RAPGEF1: variants seen among roughly 807,000 people sequenced by gnomAD.
The protein encoded by RAPGEF1 is CRK SH3-binding GNRP.
A neutral mutation model predicts 143.3 loss-of-function variants in RAPGEF1; 33 were observed. The observed-to-expected ratio is 0.23, with a 90% CI of 0.17 to 0.31. The LOEUF (loss-of-function observed/expected upper bound fraction) is 0.31. Among genes scored for constraint, RAPGEF1 ranks in the 10% least tolerant of loss-of-function variants. The pLI, the probability that RAPGEF1 is intolerant of heterozygous loss-of-function variation, is 1.00. For missense variants in RAPGEF1, 1,199 were observed against 1,645.4 expected, an observed-to-expected ratio of 0.73 and a Z score of 4.69; for synonymous variants, 629 against 676.5, an observed-to-expected ratio of 0.93 and a Z score of 1.09.
rs1057118356 is a variant in RAPGEF1 at position 131,580,382 on chromosome 9, G to T, written c.3522C>A (p.Ile1174=). ...EPPCIPYLGL[I]LQDLTFVHLG... is the part of the protein sequence containing the mutation. ...GGTGAACGAAGGTCAGGTCCTGCAGGATCAGCCCCCTGGGAGGACGGGTTA... is the reference window on the plus strand; with the variant it reads ...GGTGAACGAAGGTCAGGTCCTGCAGTATCAGCCCCCTGGGAGGACGGGTTA... The change falls in exon 26 of 27, where the codon ATC becomes ATA. Residue 1174 remains isoleucine, a synonymous_variant. Coordinates refer to ENST00000683357, the MANE Select transcript of RAPGEF1 (RefSeq NM_001377935.1). 8 of 1,613,396 alleles carry T rather than the reference G, an allele frequency of 5.0e-6. No individual in the cohort carries two copies. Among genetic ancestry groups the T allele is most frequent in the Non-Finnish European group, 6.8e-6 (8 of 1,179,678 alleles).
rs528797143 is a variant in RAPGEF1, at chr9:131,673,697, G to A, written c.62-22748C>T. Among the ~76,000 whole-genome samples, 21 of 152,158 alleles carry A rather than the reference G, an allele frequency of 1.4e-4. No homozygotes were observed. The South Asian group carries it at 3.3e-3, about 24-fold the overall frequency. On this transcript the variant is annotated intron_variant, in intron 1 of 26. Transcript: ENST00000683357. ...TGGAGGGCTACAAAAGCACCCCCCC[G>A]GCCGCCCCACCCAACAGAGAGGAAA...
At chr9:131,615,765 C>T (rs1444109181) in intron 12 of RAPGEF1, among the ~76,000 whole-genome samples, 3 of 152,168 alleles carry the variant, frequency 2.0e-5, no homozygotes, top group African/African-American at 7.2e-5. Flanking sequence ...CTTGCTTTCC[C>T]TGTCCTTTAG....
chr9:131,632,687 C>T (rs932994917), intron 5 of RAPGEF1, among the ~76,000 whole-genome samples: 5 of 152,098 alleles, frequency 3.3e-5, no homozygotes, highest in Non-Finnish European at 7.4e-5. Context: ...TGCACTGTAT[C>T]GTGGAAAGAT....
intron 10 of RAPGEF1, among the ~76,000 whole-genome samples, chr9:131,625,627 G>A (rs1055756176): frequency 6.6e-6 from 1 of 152,196 alleles, no homozygotes; most frequent in South Asian, 2.1e-4. Context: ...CTGTCACTGT[G>A]ATCAGGCCAG....
chr9:131,617,354 G>C (rs1959162482), intron 12 of RAPGEF1, among the ~76,000 whole-genome samples: 1 of 152,238 alleles, frequency 6.6e-6, no homozygotes, highest in Admixed American at 6.5e-5. Context: ...GCATGAGTAG[G>C]GATGCTGGGG....
chr9:131,580,744 G>T (rs1951744817), intron 25 of RAPGEF1, among the ~76,000 whole-genome samples: 1 of 152,148 alleles, frequency 6.6e-6, no homozygotes. Context: ...GGGGGCAGGG[G>T]CAGAGATCTC....
chr9:131,688,479 GTACAAGGGCC>G (rs1223368694), intron 1 of RAPGEF1, among the ~76,000 whole-genome samples: 1 of 152,094 alleles, frequency 6.6e-6, no homozygotes, highest in Admixed American at 6.5e-5. Context: ...TAAATAAAAC[GTACAAGGGCC>G]TACATTTCTG....
intron 20 of RAPGEF1, among the ~76,000 whole-genome samples, chr9:131,588,566 A>G (rs562130740): frequency 1.3e-5 from 2 of 152,292 alleles, no homozygotes; most frequent in African/African-American, 4.8e-5. Flanking sequence ...GCCCTGTCCT[A>G]TGAAGCCCCA....
At position 131,668,333 on chromosome 9, in the gene RAPGEF1, T is replaced by G. The variant is rs187549375; in HGVS notation, c.62-17384A>C. On this transcript the variant is annotated intron_variant, in intron 1 of 26. Coordinates refer to ENST00000683357, the MANE Select transcript of RAPGEF1 (RefSeq NM_001377935.1). ...TGTTTTTAAACTTCCTCTCAGAAATTTTTAAATTAGATATTAAAATTTAGA... is the reference window on the plus strand; with the variant it reads ...TGTTTTTAAACTTCCTCTCAGAAATGTTTAAATTAGATATTAAAATTTAGA... Among the ~76,000 whole-genome samples the G allele has an allele frequency of 1.5e-3, 221 of 152,320 alleles. 2 individuals are homozygous for G. Among genetic ancestry groups the G allele is most frequent in the Non-Finnish European group, 4.3e-4 (29 of 68,032 alleles).
chr9:131,660,810 A>G (rs1417928034), intron 1 of RAPGEF1, among the ~76,000 whole-genome samples: 1 of 152,256 alleles, frequency 6.6e-6, no homozygotes. Context: ...TCGCCTATGC[A>G]GGAAACCAGG....
At chr9:131,606,799 T>G (rs1957189526) in intron 12 of RAPGEF1, among the ~76,000 whole-genome samples, 1 of 152,106 alleles carries the variant, frequency 6.6e-6, no homozygotes, top group South Asian at 2.1e-4. Context: ...CACTTTTTGA[T>G]TTTTTTGTAG....
At chr9:131,684,292 G>A (rs1233460111) in intron 1 of RAPGEF1, among the ~76,000 whole-genome samples, 2 of 152,236 alleles carry the variant, frequency 1.3e-5, no homozygotes, top group Non-Finnish European at 2.9e-5. Flanking sequence ...TGGGCTACAT[G>A]CCAATCAGGA....
chr9:131,730,697 C>CAAAAAA lies in RAPGEF1; in HGVS notation c.61+9067_61+9072dup, dbSNP rs56044744. On this transcript the variant is annotated intron_variant, in intron 1 of 26. Transcript: ENST00000683357. ...GCAACAGCAGAGTGAGACTCCATCT[C>CAAAAAA]AAAAAAAAAAAAAAAAAAAAAGAAG... Among the ~76,000 whole-genome samples, 68 of 80,350 alleles carry CAAAAAA rather than the reference C, an allele frequency of 8.5e-4. 4 individuals are homozygous for CAAAAAA. Among genetic ancestry groups the CAAAAAA allele is most frequent in the African/African-American group, 1.7e-3 (35 of 20,846 alleles). 52.7% of individuals were successfully genotyped at this position (80,350 alleles called of 152,430 possible). A position where few individuals can be genotyped will look rare whatever the true frequency, so the allele number is the denominator to read the frequency against.
At chr9:131,654,868 G>A (rs1972035138) in intron 1 of RAPGEF1, among the ~76,000 whole-genome samples, 1 of 152,144 alleles carries the variant, frequency 6.6e-6, no homozygotes, top group Admixed American at 6.5e-5. Context: ...GCTTCTTTTA[G>A]TAACAGCAGA....
intron 1 of RAPGEF1, among the ~76,000 whole-genome samples, chr9:131,704,120 A>G (rs747728954): frequency 9.9e-5 from 15 of 151,800 alleles, no homozygotes; most frequent in Non-Finnish European, 1.6e-4. Flanking sequence ...AGATCAAGAC[A>G]CAGGCCTGGA....
Position 131,582,709 on chromosome 9 carries a change from G to A in RAPGEF1, c.3415-7C>T, listed in dbSNP as rs543964834. On this transcript the variant is annotated splice_polypyrimidine_tract_variant and splice_region_variant and intron_variant, in intron 24 of 26. Transcript: ENST00000683357. ...TGCAGTACTCGGCCAGGCCCTGGCA[G>A]GACAGGACAGGACAGGACCGGACAG... is the stretch of plus-strand genomic sequence containing the variant. The A allele has an allele frequency of 3.2e-5, 49 of 1,550,378 alleles. 1 individual carries two copies. In the South Asian group the frequency reaches 4.5e-4, roughly 14 times the overall value.
intron 1 of RAPGEF1, among the ~76,000 whole-genome samples, chr9:131,737,246 C>T (rs936425195): frequency 1.3e-5 from 2 of 152,164 alleles, no homozygotes; most frequent in African/African-American, 4.8e-5. Context: ...GCATCTTCCT[C>T]CCACACTTTC....
intron 9 of RAPGEF1, among the ~76,000 whole-genome samples, chr9:131,627,678 T>C (rs1963659516): frequency 6.6e-6 from 1 of 152,210 alleles, no homozygotes; most frequent in South Asian, 2.1e-4. Flanking sequence ...CAGTCACCGC[T>C]TGAATATCTA....
intron 1 of RAPGEF1, among the ~76,000 whole-genome samples, chr9:131,681,716 G>T (rs1271589805): frequency 6.6e-6 from 1 of 152,122 alleles, no homozygotes; most frequent in Non-Finnish European, 1.5e-5. Flanking sequence ...CGGCGGCTGG[G>T]CTGCTTTAGA....
Sources: allele counts gnomAD v4.1 joint callset (sites outside exome capture counted in the v4.1 genomes callset), GRCh38; gene constraint gnomAD v4.1.1; transcripts MANE v1.5; gene names NCBI Gene and HGNC (gene_info 2026-07-23, HGNC 2026-07-21).